Variants in MAGI1 observed in about 807,000 individuals in gnomAD.
The protein encoded by MAGI1 is membrane associated guanylate kinase, WW and PDZ domain containing 1.
In MAGI1, 58 loss-of-function variants were observed where a neutral mutation model predicts 139.9. That is an observed-to-expected ratio of 0.41 (90% CI 0.34 to 0.52). MAGI1 has a LOEUF of 0.52. Ranked by LOEUF, MAGI1 falls within the 20% of genes least tolerant of loss-of-function variation. MAGI1 has a pLI of 0.12. For missense variants in MAGI1, 1,874 were observed against 1,901.6 expected (o/e 0.99, Z 0.27); for synonymous variants, 812 against 737.9 (o/e 1.10, Z -1.63).
At chr3:65,676,606 C>A (rs532667328) in intron 1 of MAGI1, among the ~76,000 whole-genome samples, 33 of 152,266 alleles carry the variant, frequency 2.2e-4, no homozygotes, top group African/African-American at 7.0e-4. Context: ...AAAGGAGAAA[C>A]TACTCCTTTT....
chr3:65,707,701 A>AG (rs1208113533), intron 1 of MAGI1, among the ~76,000 whole-genome samples: 2 of 151,912 alleles, frequency 1.3e-5, no homozygotes, highest in East Asian at 3.9e-4. Flanking sequence ...AAAAAAAAAA[A>AG]AAAAAAAAAG....
chr3:65,864,488 G>A (rs1446167801), intron 1 of MAGI1, among the ~76,000 whole-genome samples: 1 of 152,210 alleles, frequency 6.6e-6, no homozygotes, highest in Non-Finnish European at 1.5e-5. Flanking sequence ...GGGGAAGCCT[G>A]GACTGTCAAG....
intron 2 of MAGI1, among the ~76,000 whole-genome samples, chr3:65,509,664 A>T (rs1008161811): frequency 6.6e-6 from 1 of 152,146 alleles, no homozygotes; most frequent in African/African-American, 2.4e-5. Flanking sequence ...CGCCCACGGA[A>T]TCTCGCTGAT....
At chr3:65,927,577 G>A (rs1339684690) in intron 1 of MAGI1, among the ~76,000 whole-genome samples, 1 of 152,210 alleles carries the variant, frequency 6.6e-6, no homozygotes, top group African/African-American at 2.4e-5. Context: ...CAAGAAATCA[G>A]GGTGCTTCTG....
Position 65,646,071 on chromosome 3 carries a change from G to A in MAGI1, c.314-23983C>T, listed in dbSNP as rs118077193. Reference sequence around the variant, plus strand: ...TAACATGTCCATAATTACATGAAGTGTAAATCACCTAAACACACCAATTAA... The same window carrying A: ...TAACATGTCCATAATTACATGAAGTATAAATCACCTAAACACACCAATTAA... On this transcript the variant is annotated intron_variant, in intron 1 of 22. Transcript: ENST00000402939. Among the ~76,000 whole-genome samples the A allele has an allele frequency of 3.3e-5, 5 of 152,034 alleles. No homozygotes were observed. In the East Asian group the frequency reaches 9.7e-4, roughly 29 times the overall value.
intron 1 of MAGI1, among the ~76,000 whole-genome samples, chr3:65,938,918 C>T (rs1453846387): frequency 6.6e-6 from 1 of 152,128 alleles, no homozygotes; most frequent in African/African-American, 2.4e-5. Context: ...AGTGAGGATG[C>T]AACCATTGTA....
chr3:65,612,233 T>C (rs1480924227), intron 2 of MAGI1, among the ~76,000 whole-genome samples: 1 of 152,064 alleles, frequency 6.6e-6, no homozygotes, highest in Non-Finnish European at 1.5e-5. Context: ...ATAGAAAATA[T>C]CAAATTTACA....
At chr3:65,733,808 T>C (rs890340366) in intron 1 of MAGI1, among the ~76,000 whole-genome samples, 1 of 152,212 alleles carries the variant, frequency 6.6e-6, no homozygotes, top group Non-Finnish European at 1.5e-5. Context: ...GCACAGAAGA[T>C]AGTCAGATGG....
intron 1 of MAGI1, among the ~76,000 whole-genome samples, chr3:65,863,473 C>A (rs537685211): frequency 6.6e-6 from 1 of 152,172 alleles, no homozygotes; most frequent in Non-Finnish European, 1.5e-5. Flanking sequence ...GCACATTCCA[C>A]GTATCATTAA....
intron 1 of MAGI1, among the ~76,000 whole-genome samples, chr3:65,705,356 T>C (rs1321118915): frequency 6.6e-6 from 1 of 152,188 alleles, no homozygotes; most frequent in African/African-American, 2.4e-5. Context: ...AAATTCTAAT[T>C]AAATACAGAG....
At chr3:65,374,414 C>A (rs1428555282) in intron 18 of MAGI1, among the ~76,000 whole-genome samples, 1 of 146,408 alleles carries the variant, frequency 6.8e-6, no homozygotes, top group African/African-American at 2.5e-5. Context: ...GCCTCCCAGG[C>A]TCAAGCGATT....
chr3:65,598,549 GT>G, intron 2 of MAGI1, among the ~76,000 whole-genome samples: 1 of 152,184 alleles, frequency 6.6e-6, no homozygotes, highest in East Asian at 1.9e-4. Flanking sequence ...TGAAATAATT[GT>G]CTTCCTTTGG....
chr3:65,470,229 A>G, intron 5 of MAGI1, 54 bp downstream of exon 5: 1 of 1,266,860 alleles, frequency 7.9e-7, no homozygotes, highest in South Asian at 1.3e-5. Context: ...GACAGAGGGA[A>G]GGAAGGGAAA....
chr3:65,706,472 G>T (rs972717438), intron 1 of MAGI1, among the ~76,000 whole-genome samples: 1 of 152,180 alleles, frequency 6.6e-6, no homozygotes, highest in African/African-American at 2.4e-5. Flanking sequence ...CCTCCTGGGT[G>T]CCAAGCACAG....
intron 1 of MAGI1, among the ~76,000 whole-genome samples, chr3:65,824,167 C>T (rs1874320): frequency 6.6e-6 from 1 of 151,994 alleles, no homozygotes; most frequent in Admixed American, 6.6e-5. Flanking sequence ...TATTTTGCCA[C>T]GTCACCCATG....
At position 65,569,876 on chromosome 3, in the gene MAGI1, G is replaced by GAA. The variant is rs1291129750; in HGVS notation, c.430+52094_430+52095dup. ...GGCAATACAGCGAGACCCTGTCTCA[G>GAA]AAAAAAAAAAAAGTTTCAAGAATAT... On this transcript the variant is annotated intron_variant, in intron 2 of 22. Transcript: ENST00000402939. 1.1e-4 allele frequency among the ~76,000 whole-genome samples: 16 copies of GAA among 141,736 alleles called. No individual in the cohort carries two copies. The East Asian group carries it at 3.2e-3, about 29-fold the overall frequency. 93.0% of individuals were successfully genotyped at this position (141,736 alleles called of 152,430 possible).
At chr3:65,376,005 A>G in intron 17 of MAGI1, 60 bp from the exon 18 acceptor site, 1 of 1,295,888 alleles carries the variant, frequency 7.7e-7, no homozygotes, top group Non-Finnish European at 1.1e-6. Context: ...CAAAGGGAAG[A>G]GAAAAAGGGT....
intron 1 of MAGI1, among the ~76,000 whole-genome samples, chr3:65,900,495 C>T (rs1396063810): frequency 6.6e-6 from 1 of 152,168 alleles, no homozygotes; most frequent in Non-Finnish European, 1.5e-5. Context: ...TTCACTTAAT[C>T]ATAATATACT....
chr3:65,697,724 T>C lies in MAGI1; in HGVS notation c.314-75636A>G, dbSNP rs2089320170. 1.8e-5 allele frequency among the ~76,000 whole-genome samples: 2 copies of C among 111,924 alleles called. 1 individual carries two copies. 73.4% of individuals were successfully genotyped at this position (111,924 alleles called of 152,430 possible). ...AAATTAGGTATTGATGGGACATATCTCAAAATAATAAGAGCTATCTATGAC... is the reference window on the plus strand; with the variant it reads ...AAATTAGGTATTGATGGGACATATCCCAAAATAATAAGAGCTATCTATGAC... On this transcript the variant is annotated intron_variant, in intron 1 of 22. Transcript: ENST00000402939.
Sources: allele counts gnomAD v4.1 joint callset (sites outside exome capture counted in the v4.1 genomes callset), GRCh38; gene constraint gnomAD v4.1.1; transcripts MANE v1.5; gene names NCBI Gene and HGNC (gene_info 2026-07-23, HGNC 2026-07-21).